Variants in EML5 observed in about 807,000 individuals in gnomAD.
The protein encoded by EML5 is echinoderm microtubule-associated protein-like 5.
In EML5, 120 loss-of-function variants were observed where a neutral mutation model predicts 250.0. The observed-to-expected ratio is 0.48, with a 90% CI of 0.41 to 0.56. The LOEUF is 0.56. EML5 is among the 20% of genes least tolerant of loss of function. EML5 has a pLI of 0.00. For missense variants in EML5, 2,006 were observed against 2,437.6 expected, an observed-to-expected ratio of 0.82 and a Z score of 3.73; for synonymous variants, 771 against 806.5, an observed-to-expected ratio of 0.96 and a Z score of 0.75.
chr14:88,726,008 T>A (rs2093661106), intron 8 of EML5, among the ~76,000 whole-genome samples: 1 of 152,176 alleles, frequency 6.6e-6, no homozygotes, highest in Admixed American at 6.5e-5. Context: ...TACAGCAAAT[T>A]TCTTACTGAC....
chr14:88,708,825 TA>T (rs758221208), intron 10 of EML5, among the ~76,000 whole-genome samples: 1 of 152,052 alleles, frequency 6.6e-6, no homozygotes, highest in African/African-American at 2.4e-5. Context: ...AAAACTATGA[TA>T]AAAAATGATT....
At chr14:88,627,843 G>C in intron 33 of EML5, 24 bp from the exon 34 acceptor site, 2 of 1,544,254 alleles carry the variant, frequency 1.3e-6, no homozygotes, top group South Asian at 2.4e-5. Context: ...GTATCAAAAA[G>C]TTGTAATCTA....
In EML5 at chr14:88,704,973, G is replaced by A. The variant is rs1810080436; in HGVS notation, c.1938C>T (p.Tyr646=). ...ETQLTYRRQV[Y]KEDLPQLKEQ... ...CTTTAAGCTGAGGTAGATCTTCTTTGTAAACCTTTAAAAATGTATACAAGT... is the reference window on the plus strand; with the variant it reads ...CTTTAAGCTGAGGTAGATCTTCTTTATAAACCTTTAAAAATGTATACAAGT... Residue 646 remains tyrosine, a synonymous_variant, in exon 13 of 44, where the codon TAC becomes TAT. Transcript: ENST00000554922. 1 of 1,603,600 alleles carries A rather than the reference G, an allele frequency of 6.2e-7. No homozygotes were observed. Among genetic ancestry groups the A allele is most frequent in the Non-Finnish European group, 8.5e-7 (1 of 1,173,000 alleles).
chr14:88,754,076 T>C (rs1052019048), intron 2 of EML5, among the ~76,000 whole-genome samples: 1 of 152,052 alleles, frequency 6.6e-6, no homozygotes, highest in African/African-American at 2.4e-5. Context: ...GTATGAGTTA[T>C]GATCATGTCA....
At position 88,732,466 on chromosome 14, in the gene EML5, T is replaced by C. The variant is rs184442934; in HGVS notation, c.1049+3898A>G. On this transcript the variant is annotated intron_variant, in intron 7 of 43. Coordinates refer to ENST00000554922, the MANE Select transcript of EML5 (RefSeq NM_183387.3). ...CAGTACCATGCTGTTTTGGTTACTA[T>C]AGCCTTGTAGTATAGTTTGAAGTCA... Among the ~76,000 whole-genome samples the C allele has an allele frequency of 7.5e-4, 115 of 152,366 alleles. 3 individuals are homozygous for C. The East Asian group carries it at 0.018, about 24-fold the overall frequency.
Position 88,616,878 on chromosome 14 carries a change from T to C in EML5, c.5644A>G (p.Ile1882Val). ...DRITWATWTS[I>V]LGDEVLGIWS... The stretch of plus-strand genomic sequence containing the variant: ...ATTCCCAAAACCTCATCTCCTAGAA[T>C]ACTAGAGGGAAGGAACAAAAGAAAA... The change falls in exon 42 of 44, where the codon ATT (isoleucine) becomes GTT (valine). Residue 1882 changes from isoleucine to valine, a missense_variant and splice_region_variant. This residue lies in a region of EML5 where 405 missense variants were observed against 523.3 expected (regional missense o/e 0.77). Transcript: ENST00000554922. The C allele has an allele frequency of 6.2e-7, 1 of 1,613,130 alleles. No homozygotes were observed. Among genetic ancestry groups the C allele is most frequent in the Non-Finnish European group, 8.5e-7 (1 of 1,179,532 alleles).
At chr14:88,752,652 GCAAGGGTTCCACCCT>G in intron 2 of EML5, among the ~76,000 whole-genome samples, 1 of 152,242 alleles carries the variant, frequency 6.6e-6, no homozygotes, top group Non-Finnish European at 1.5e-5. Context: ...GGGGTCCCTG[GCAAGGGTTCCACCCT>G]CAAGCCTGGA....
intron 24 of EML5, among the ~76,000 whole-genome samples, 152 bp from the exon 25 acceptor site, chr14:88,661,982 T>TA (rs2092116768): frequency 6.6e-6 from 1 of 152,208 alleles, no homozygotes; most frequent in African/African-American, 2.4e-5. Flanking sequence ...TGTCTTGGTT[T>TA]TGTAACTCCC....
At chr14:88,667,399 C>T (rs573491581) in intron 21 of EML5, among the ~76,000 whole-genome samples, 10 of 152,202 alleles carry the variant, frequency 6.6e-5, no homozygotes, top group African/African-American at 1.2e-4. Context: ...TTGAGAATAG[C>T]GTAGGTCTTC....
rs2087456476 is a variant in EML5 at position 88,615,495 on chromosome 14, TAA to T, written c.*321_*322del. 2 of 270,542 alleles carry T rather than the reference TAA, an allele frequency of 7.4e-6. No homozygotes were observed. Among genetic ancestry groups the T allele is most frequent in the South Asian group, 3.3e-4 (2 of 6,110 alleles). 16.8% of individuals were successfully genotyped at this position (270,542 alleles called of 1,614,324 possible). A position where few individuals can be genotyped will look rare whatever the true frequency, so the allele number is the denominator to read the frequency against. ...CAAATTGGGTTTTTGAGTTCTTCTG[TAA>T]AGAGTGCTCTACCCTAAATTTTCCC... On this transcript the variant is annotated 3_prime_UTR_variant, in exon 44 of 44. Coordinates refer to ENST00000554922, the MANE Select transcript of EML5 (RefSeq NM_183387.3).
chr14:88,727,282 T>C (rs1452760796), intron 7 of EML5, among the ~76,000 whole-genome samples: 1 of 152,160 alleles, frequency 6.6e-6, no homozygotes, highest in East Asian at 1.9e-4. Context: ...GTCAAAATTC[T>C]GTCAAGTTGT....
At chr14:88,693,763 C>CTTTTTTTTT (rs71127002) in intron 17 of EML5, among the ~76,000 whole-genome samples, 1 of 62,846 alleles carries the variant, frequency 1.6e-5, no homozygotes, top group Non-Finnish European at 2.7e-5. Flanking sequence ...ATGTTAACAT[C>CTTTTTTTTT]TTTTTTTTTT....
chr14:88,649,826 T>C (rs2091535113), intron 28 of EML5, 86 bp downstream of exon 28: 15 of 1,107,702 alleles, frequency 1.4e-5, no homozygotes, highest in South Asian at 1.3e-4. Context: ...AAATGTTTTA[T>C]AGGGAAAAAA....
At chr14:88,726,469 TGAAGA>T (rs2093668436) in intron 8 of EML5, 67 bp downstream of exon 8, 1 of 1,335,566 alleles carries the variant, frequency 7.5e-7, no homozygotes, top group Admixed American at 2.5e-5. Flanking sequence ...TCTGTATCGC[TGAAGA>T]GAAAATTACT....
At chr14:88,665,013 T>A (rs1235565732) in intron 22 of EML5, among the ~76,000 whole-genome samples, 1 of 152,186 alleles carries the variant, frequency 6.6e-6, no homozygotes, top group Non-Finnish European at 1.5e-5. Context: ...TGGAAATTAA[T>A]GGAGTAAAAT....
intron 2 of EML5, among the ~76,000 whole-genome samples, chr14:88,751,241 C>T (rs2094089751): frequency 6.6e-6 from 1 of 152,152 alleles, no homozygotes; most frequent in South Asian, 2.1e-4. Flanking sequence ...TTTACTTTAT[C>T]ATTTCTTTTA....
rs762103626 is a variant in EML5 at position 88,616,801 on chromosome 14, A to G, written c.5721T>C (p.His1907=). The G allele has an allele frequency of 6.2e-7, 1 of 1,613,980 alleles. No individual in the cohort carries two copies. Among genetic ancestry groups the G allele is most frequent in the South Asian group, 1.1e-5 (1 of 91,080 alleles). The part of the protein sequence containing the change: ...KADVNCACVS[H]SGISLVTGDD... ...CTCCTGTAACAAGACTGATTCCTGA[A>G]TGAGATACACAGGCACAGTTGACAT... Residue 1907 remains histidine, a synonymous_variant, in exon 42 of 44, where the codon CAT becomes CAC. Transcript: ENST00000554922.
At chr14:88,715,276 C>G (rs1225615655) in intron 8 of EML5, 81 bp from the exon 9 acceptor site, 12 of 1,337,852 alleles carry the variant, frequency 9.0e-6, no homozygotes, top group Non-Finnish European at 1.2e-5. Flanking sequence ...CTAAAATGAC[C>G]GTGAAGCTGT....
In EML5 at chr14:88,685,035, G is replaced by T; in HGVS notation, c.2962C>A (p.Pro988Thr). The T allele has an allele frequency of 6.2e-7, 1 of 1,604,636 alleles. No individual in the cohort carries two copies. The highest frequency in any genetic ancestry group is 8.5e-7 in the Non-Finnish European group (1 of 1,175,804). ...ATTACCTGAACCAGAAGTGTTATTG[G>T]GCCACTTTTATCCACTTCTAGTATT... is the stretch of plus-strand genomic sequence containing the variant. ...GEILEVDKSGPITLLVQGHME... is the reference protein window; with the variant it reads ...GEILEVDKSGTITLLVQGHME... Residue 988 changes from proline to threonine, a missense_variant, in exon 20 of 44, where the codon CCA becomes ACA. Around this residue, in one of 7 missense-constraint regions of EML5, gnomAD observed 1,375 missense variants for 1,590.3 expected, o/e 0.86. Transcript: ENST00000554922.
Sources: gnomAD v4.1 joint callset for allele counts (sites outside exome capture counted in the v4.1 genomes callset) on GRCh38, gnomAD v4.1.1 for gene constraint, gnomAD v4.1.1 regional missense constraint, MANE v1.5 for transcripts, NCBI Gene and HGNC (gene_info 2026-07-23, HGNC 2026-07-21) for gene names.